The following MGAT4C variants were observed in gnomAD, a reference collection of about 807,000 sequenced individuals.
MGAT4C encodes the protein MGAT4 family member C, also known as alpha-1,3-mannosyl-glycoprotein 4-beta-N-acetylglucosaminyltransferase C.
A neutral mutation model predicts 40.1 loss-of-function variants in MGAT4C; 19 were observed. That is an observed-to-expected ratio of 0.47 (90% CI 0.33 to 0.70). The LOEUF is 0.70. MGAT4C is among the 30% of genes least tolerant of loss of function. The probability of loss-of-function intolerance (pLI) is 0.02; values close to 1 mark genes in which losing one functional copy is unlikely to be tolerated. For missense variants in MGAT4C, 491 were observed against 563.2 expected, an observed-to-expected ratio of 0.87 and a Z score of 1.30; for synonymous variants, 181 against 187.1, an observed-to-expected ratio of 0.97 and a Z score of 0.27.
At chr12:86,357,498 G>C (rs1955343025) in intron 3 of MGAT4C, among the ~76,000 whole-genome samples, 1 of 152,164 alleles carries the variant, frequency 6.6e-6, no homozygotes, top group South Asian at 2.1e-4. Context: ...GAGAGAAGAA[G>C]GCTTCAGACC....
chr12:86,675,273 C>T (rs559116235), intron 2 of MGAT4C, among the ~76,000 whole-genome samples: 1 of 152,260 alleles, frequency 6.6e-6, no homozygotes, highest in Admixed American at 6.5e-5. Context: ...TAGAAATCTT[C>T]TAGAAGACTA....
At chr12:86,668,930 A>T (rs1338448455) in intron 2 of MGAT4C, among the ~76,000 whole-genome samples, 1 of 152,054 alleles carries the variant, frequency 6.6e-6, no homozygotes, top group Non-Finnish European at 1.5e-5. Context: ...AGGCATTTGG[A>T]GCACCTACTC....
intron 2 of MGAT4C, among the ~76,000 whole-genome samples, chr12:86,585,050 T>C (rs1423608467): frequency 3.3e-5 from 5 of 151,436 alleles, no homozygotes; most frequent in Non-Finnish European, 7.4e-5. Flanking sequence ...CATTATTTTA[T>C]CTCAGTCTAT....
chr12:86,757,251 G>T (rs1307532673), intron 1 of MGAT4C, among the ~76,000 whole-genome samples: 2 of 152,160 alleles, frequency 1.3e-5, no homozygotes, highest in East Asian at 1.9e-4. Flanking sequence ...GACATTAGGA[G>T]AAAGACCTAA....
At chr12:86,636,429 C>T (rs1963221491) in intron 2 of MGAT4C, among the ~76,000 whole-genome samples, 1 of 151,858 alleles carries the variant, frequency 6.6e-6, no homozygotes, top group African/African-American at 2.4e-5. Flanking sequence ...TTTTGAAGTT[C>T]GATCTACCTA....
intron 1 of MGAT4C, among the ~76,000 whole-genome samples, chr12:86,794,290 T>C (rs1237158318): frequency 2.0e-5 from 3 of 151,762 alleles, no homozygotes; most frequent in Non-Finnish European, 3.0e-5. Context: ...TTAATAATCT[T>C]GCTCAAATAA....
At position 86,587,663 on chromosome 12, in the gene MGAT4C, T is replaced by C. The variant is rs1480770120; in HGVS notation, c.-229+139546A>G. On this transcript the variant is annotated intron_variant, in intron 2 of 7. Transcript: ENST00000548651. ...TAGTTCTCCTTGAAGAGGTCCTTCA[T>C]GTCCCTTGTAAGGTGGATTCCTAGG... 1.7e-3 allele frequency among the ~76,000 whole-genome samples: 263 copies of C among 152,086 alleles called. 1 individual carries two copies. The highest frequency in any genetic ancestry group is 6.1e-3 in the African/African-American group (252 of 41,528).
chr12:85,961,640 G>A lies in MGAT4C; in HGVS notation c.*17649C>T, dbSNP rs554977269. ...TCACCCTAAGGAAATTTCCATGTCA[G>A]ATACAATAAGAGCAACGGAAGAAAA... On this transcript the variant is annotated 3_prime_UTR_variant, in exon 5 of 5. Coordinates refer to ENST00000611864, the MANE Select transcript of MGAT4C (RefSeq NM_001351288.2). 1.3e-5 allele frequency: 2 copies of A among 151,864 alleles called. No individual in the cohort carries two copies. Among genetic ancestry groups the A allele is most frequent in the African/African-American group, 4.8e-5 (2 of 41,504 alleles). 9.4% of individuals were successfully genotyped at this position (151,864 alleles called of 1,614,324 possible). A position where few individuals can be genotyped will look rare whatever the true frequency, so the allele number is the denominator to read the frequency against.
chr12:86,105,172 A>T (rs2135613548), intron 1 of MGAT4C, among the ~76,000 whole-genome samples: 1 of 152,310 alleles, frequency 6.6e-6, no homozygotes, highest in East Asian at 1.9e-4. Context: ...TCTTGGACTT[A>T]AGAATACATT....
intron 2 of MGAT4C, among the ~76,000 whole-genome samples, chr12:86,489,430 C>T (rs143916404): frequency 3.9e-5 from 6 of 152,274 alleles, no homozygotes; most frequent in African/African-American, 1.4e-4. Flanking sequence ...TGTGGGTACC[C>T]TAAAAGGCTG....
chr12:86,172,904 A>G (rs1887003449), intron 1 of MGAT4C, among the ~76,000 whole-genome samples: 2 of 152,136 alleles, frequency 1.3e-5, no homozygotes, highest in East Asian at 3.9e-4. Context: ...TATTAAAGTT[A>G]TTAGAGCCAT....
chr12:86,356,375 G>A lies in MGAT4C; in HGVS notation c.-119-22248C>T, dbSNP rs1027605227. On this transcript the variant is annotated intron_variant, in intron 3 of 7. Transcript: ENST00000548651. ...GATCAGGTTCCAAGATGGCCAAATAGGAAGAACTCCAGTCTACAGCTCTCA... is the reference window on the plus strand; with the variant it reads ...GATCAGGTTCCAAGATGGCCAAATAAGAAGAACTCCAGTCTACAGCTCTCA... Among the ~76,000 whole-genome samples, 34 of 152,248 alleles carry A rather than the reference G, an allele frequency of 2.2e-4. No individual in the cohort carries two copies. The Middle Eastern group carries it at 0.01, about 46-fold the overall frequency.
chr12:86,539,392 C>T lies in MGAT4C; in HGVS notation c.-228-104127G>A, dbSNP rs150724069. ...TGGCTACATAGTATTCCATGGTGTA[C>T]ATGTGCCACATTTCTTAATCCAATC... is the stretch of plus-strand genomic sequence containing the variant. On this transcript the variant is annotated intron_variant, in intron 2 of 7. Transcript: ENST00000548651. 3.0e-3 allele frequency among the ~76,000 whole-genome samples: 463 copies of T among 152,250 alleles called. 4 individuals carry two copies. The highest frequency in any genetic ancestry group is 0.01 in the African/African-American group (434 of 41,538).
At chr12:86,726,180 T>A (rs551011223) in intron 2 of MGAT4C, among the ~76,000 whole-genome samples, 1 of 152,188 alleles carries the variant, frequency 6.6e-6, no homozygotes, top group African/African-American at 2.4e-5. Context: ...CAAGATAATG[T>A]CATAAATATA....
chr12:86,056,824 G>T (rs2136988209), intron 1 of MGAT4C, among the ~76,000 whole-genome samples: 1 of 152,170 alleles, frequency 6.6e-6, no homozygotes, highest in East Asian at 1.9e-4. Context: ...CTTCCACAAT[G>T]GTTGAACTAA....
Position 85,976,308 on chromosome 12 carries a change from G to C in MGAT4C, c.*2981C>G, listed in dbSNP as rs543182248. 6.6e-6 allele frequency: 1 copy of C among 151,058 alleles called. No individual in the cohort carries two copies. Among genetic ancestry groups the C allele is most frequent in the Admixed American group, 6.6e-5 (1 of 15,128 alleles). 9.4% of individuals were successfully genotyped at this position (151,058 alleles called of 1,614,324 possible). On this transcript the variant is annotated 3_prime_UTR_variant, in exon 5 of 5. Coordinates refer to ENST00000611864, the MANE Select transcript of MGAT4C (RefSeq NM_001351288.2). The stretch of plus-strand genomic sequence containing the variant: ...ATAGCACAAAGTTATAGTTTTCAAT[G>C]AATATGAAAAAGTTCTTGCATTAAC...
At chr12:86,505,427 G>T (rs965311124) in intron 2 of MGAT4C, among the ~76,000 whole-genome samples, 1 of 152,192 alleles carries the variant, frequency 6.6e-6, no homozygotes, top group African/African-American at 2.4e-5. Context: ...GGATATGCCA[G>T]TTTAGGTGAG....
chr12:86,425,315 G>A (rs753610132), intron 3 of MGAT4C, among the ~76,000 whole-genome samples: 4 of 152,152 alleles, frequency 2.6e-5, no homozygotes, highest in African/African-American at 4.8e-5. Context: ...TGGATCATGG[G>A]GGGTGTTTAC....
chr12:86,727,601 C>G (rs924225775), intron 1 of MGAT4C, among the ~76,000 whole-genome samples: 9 of 151,748 alleles, frequency 5.9e-5, no homozygotes, highest in Non-Finnish European at 1.3e-4. Flanking sequence ...GGAAATAAAG[C>G]ATGCATACTT....
Sources: allele counts gnomAD v4.1 joint callset (sites outside exome capture counted in the v4.1 genomes callset), GRCh38; gene constraint gnomAD v4.1.1; transcripts MANE v1.5; gene names NCBI Gene and HGNC (gene_info 2026-07-23, HGNC 2026-07-21).